Variants in AK6 observed in about 807,000 individuals in gnomAD.
AK6 encodes the protein adenylate kinase 6.
A neutral mutation model predicts 23.7 loss-of-function variants in AK6; 24 were observed. The observed-to-expected ratio is 1.01, with a 90% CI of 0.73 to 1.43. AK6 has a LOEUF of 1.43. Ranked by LOEUF, AK6 falls within the 40% of genes most tolerant of loss-of-function variation. AK6 has a pLI of 0.00. For synonymous variants in AK6, 73 were observed against 69.8 expected (o/e 1.05, Z -0.23); for missense variants, 191 against 199.1 (o/e 0.96, Z 0.24).
chr5:69,367,029 G>C (rs1762460153), intron 1 of AK6, among the ~76,000 whole-genome samples: 1 of 152,020 alleles, frequency 6.6e-6, no homozygotes, highest in Non-Finnish European at 1.5e-5. Flanking sequence ...AAAGTGCTGG[G>C]ATTACAGGCG....
At chr5:69,361,460 A>C (rs1004643696) in intron 2 of AK6, among the ~76,000 whole-genome samples, 2 of 150,526 alleles carry the variant, frequency 1.3e-5, no homozygotes, top group African/African-American at 4.9e-5. Flanking sequence ...TTTTTTTGAG[A>C]CGGAATCTCT....
chr5:69,367,710 G>C (rs549242630), intron 1 of AK6: 2 of 152,030 alleles, frequency 1.3e-5, no homozygotes, highest in Admixed American at 1.3e-4. Context: ...GCACCACCAT[G>C]CCCTGGTTAA....
At chr5:69,359,548 C>T (rs370459417) in intron 2 of AK6, among the ~76,000 whole-genome samples, 1 of 152,214 alleles carries the variant, frequency 6.6e-6, no homozygotes, top group East Asian at 1.9e-4. Context: ...CCAGGCCCCA[C>T]AAAATTTTTT....
chr5:69,352,031 G>A lies in AK6; in HGVS notation c.*30C>T, dbSNP rs775811343. Reference sequence around the variant, plus strand: ...ATGATGTCGGCAGAGATATCAACAAGAGTGATTATTAAGTAGCTAGCCTTA... The same window carrying A: ...ATGATGTCGGCAGAGATATCAACAAAAGTGATTATTAAGTAGCTAGCCTTA... On this transcript the variant is annotated 3_prime_UTR_variant, in exon 5 of 5. Transcript: ENST00000380822. 1.9e-6 allele frequency: 3 copies of A among 1,557,870 alleles called. No homozygotes were observed. Among genetic ancestry groups the A allele is most frequent in the Non-Finnish European group, 2.6e-6 (3 of 1,149,188 alleles).
intron 2 of AK6, chr5:69,364,600 A>T (rs1762338215): frequency 2.8e-6 from 1 of 353,794 alleles, no homozygotes; most frequent in South Asian, 3.4e-5. Flanking sequence ...TGATCTATGT[A>T]TCTGAAGACG....
At chr5:69,364,209 T>A (rs1474700078) in intron 2 of AK6, among the ~76,000 whole-genome samples, 1 of 150,320 alleles carries the variant, frequency 6.7e-6, no homozygotes, top group African/African-American at 2.4e-5. Flanking sequence ...TATTTTAAAT[T>A]AAAAAAAATA....
intron 1 of AK6, 149 bp from the exon 2 acceptor site, chr5:69,366,744 TA>T: frequency 3.2e-6 from 2 of 634,756 alleles, no homozygotes; most frequent in Non-Finnish European, 5.5e-6. Context: ...AAAAATTTCC[TA>T]ATTAGCAATC....
Position 69,366,597 on chromosome 5 carries a change from T to A in AK6, c.29-2A>T. The stretch of plus-strand genomic sequence containing the variant: ...TGGTTTTTCCAACCCCTGGTGTACC[T>A]GTAAGACAAGCCACAGAAAAATACT... On this transcript the variant is annotated splice_acceptor_variant, in intron 1 of 4. Transcript: ENST00000380822. LOFTEE classifies it high-confidence loss of function. The A allele has an allele frequency of 6.2e-7, 1 of 1,609,902 alleles. No individual in the cohort carries two copies. Among genetic ancestry groups the A allele is most frequent in the Non-Finnish European group, 8.5e-7 (1 of 1,176,356 alleles).
chr5:69,363,239 A>T (rs1762288882), intron 2 of AK6, among the ~76,000 whole-genome samples: 1 of 152,134 alleles, frequency 6.6e-6, no homozygotes, highest in South Asian at 2.1e-4. Context: ...ACCAAATGAA[A>T]TGGTTTAAGT....
chr5:69,361,968 C>CTT (rs1561217524), intron 2 of AK6, among the ~76,000 whole-genome samples: 117 of 144,438 alleles, frequency 8.1e-4, no homozygotes, highest in African/African-American at 3.0e-3. Context: ...AACTTGATTC[C>CTT]CTTTTTTTTT....
At chr5:69,366,705 G>A (rs769702719) in intron 1 of AK6, 110 bp from the exon 2 acceptor site, 22 of 766,698 alleles carry the variant, frequency 2.9e-5, no homozygotes, top group Non-Finnish European at 4.8e-5. Flanking sequence ...CCTGGCCTCT[G>A]CCCTTAAAAG....
chr5:69,361,943 C>CG (rs1221270051), intron 2 of AK6, among the ~76,000 whole-genome samples: 2 of 150,388 alleles, frequency 1.3e-5, no homozygotes, highest in African/African-American at 4.9e-5. Flanking sequence ...CCACCACCCC[C>CG]GGCCAGTTTT....
chr5:69,361,896 C>T (rs557781637), intron 2 of AK6, among the ~76,000 whole-genome samples: 6 of 151,466 alleles, frequency 4.0e-5, no homozygotes, highest in South Asian at 2.1e-4. Context: ...CATGAGCCAC[C>T]ATGCTGGGCC....
At position 69,358,047 on chromosome 5, in the gene AK6, G is replaced by A. The variant is rs781146398; in HGVS notation, c.122-2094C>T. On this transcript the variant is annotated intron_variant, in intron 2 of 4. Transcript: ENST00000380822. ...AGAATTCAAAGTTGTCCTTACTAGG[G>A]ACAAAGATTAGAAGAAAAACAAAAG... Among the ~76,000 whole-genome samples the A allele has an allele frequency of 1.0e-3, 159 of 152,076 alleles. 1 individual carries two copies. Among genetic ancestry groups the A allele is most frequent in the Non-Finnish European group, 5.4e-4 (37 of 68,014 alleles).
chr5:69,367,547 A>G (rs1762503544), intron 1 of AK6, among the ~76,000 whole-genome samples: 1 of 151,458 alleles, frequency 6.6e-6, no homozygotes, highest in Admixed American at 6.6e-5. Flanking sequence ...ATCAATTACA[A>G]TAATTTATTT....
chr5:69,366,286 G>T (rs1762421325), intron 2 of AK6, among the ~76,000 whole-genome samples: 1 of 152,110 alleles, frequency 6.6e-6, no homozygotes, highest in African/African-American at 2.4e-5. Flanking sequence ...CTATTCACAA[G>T]AATTGCCAGC....
rs1761962460 is a variant in AK6 at position 69,352,087 on chromosome 5, G to A, written c.493C>T (p.Gln165Ter). ...CAAGAGTTATGATCTTTGATCCACT[G>A]CTCAATCCATTTCAAGATCTGATCT... ...NVDQILKWIE[Q>*]WIKDHNS is the part of the protein sequence containing the mutation. Residue 165 changes from glutamine (Q) to a stop codon, truncating the protein, a stop_gained, in exon 5 of 5, where the codon CAG becomes TAG. Coordinates refer to ENST00000380822, the MANE Select transcript of AK6 (RefSeq NM_016283.5). LOFTEE classifies it high-confidence loss of function. The A allele has an allele frequency of 3.1e-6, 5 of 1,611,644 alleles. No homozygotes were observed. Among genetic ancestry groups the A allele is most frequent in the Non-Finnish European group, 4.2e-6 (5 of 1,179,396 alleles).
Position 69,351,956 on chromosome 5 carries a change from G to A in AK6, c.*105C>T. ...AAACCTATATACTATCCACCTGCTGGTTCTGCAACATGATTTTAATAAAGT... is the reference window on the plus strand; with the variant it reads ...AAACCTATATACTATCCACCTGCTGATTCTGCAACATGATTTTAATAAAGT... On this transcript the variant is annotated 3_prime_UTR_variant, in exon 5 of 5. Transcript: ENST00000380822. 2.1e-6 allele frequency: 2 copies of A among 966,648 alleles called. No homozygotes were observed. Among genetic ancestry groups the A allele is most frequent in the South Asian group, 3.6e-5 (2 of 56,172 alleles). The allele number at this position is 966,648 out of a possible 1,614,324, so 59.9% of individuals were successfully genotyped here.
chr5:69,366,551 A>G lies in AK6; in HGVS notation c.73T>C (p.Ser25Pro). The change falls in exon 2 of 5, where the codon TCA becomes CCA. Residue 25 changes from serine (S) to proline (P), a missense_variant. Transcript: ENST00000380822. Reference sequence around the variant, plus strand: ...TTAATGTATTTCAGTCCTGATTTTGACGCAAGTTCTTTGCCTAGTGTGGTT... The same window carrying G: ...TTAATGTATTTCAGTCCTGATTTTGGCGCAAGTTCTTTGCCTAGTGTGGTT... The part of the protein sequence containing the change: ...GKTTLGKELA[S>P]KSGLKYINVG... 6.2e-7 allele frequency: 1 copy of G among 1,614,044 alleles called. No homozygotes were observed. Among genetic ancestry groups the G allele is most frequent in the Non-Finnish European group, 8.5e-7 (1 of 1,180,016 alleles).
Sources: gnomAD v4.1 joint callset for allele counts (sites outside exome capture counted in the v4.1 genomes callset) on GRCh38, gnomAD v4.1.1 for gene constraint, MANE v1.5 for transcripts, NCBI Gene and HGNC (gene_info 2026-07-23, HGNC 2026-07-21) for gene names.